The following RXRA variants were observed in gnomAD, a reference collection of about 807,000 sequenced individuals.
RXRA encodes the protein retinoid X receptor alpha, also known as retinoic acid receptor RXR-alpha.
RXRA carries 5 observed loss-of-function variants against 44.5 expected under a neutral mutation model. The observed-to-expected ratio is 0.11, with a 90% CI of 0.06 to 0.24. The LOEUF is 0.24. Among genes scored for constraint, RXRA ranks in the 10% least tolerant of loss-of-function variants. RXRA has a pLI of 1.00. For synonymous variants in RXRA, 291 were observed against 271.4 expected (o/e 1.07, Z -0.71); for missense variants, 412 against 646.5 (o/e 0.64, Z 3.93).
chr9:134,413,377 A>T (rs1831181439), intron 4 of RXRA, among the ~76,000 whole-genome samples: 1 of 149,662 alleles, frequency 6.7e-6, no homozygotes, highest in African/African-American at 2.5e-5. Context: ...GTATGTCTGC[A>T]TGGTTTGTGT....
intron 1 of RXRA, among the ~76,000 whole-genome samples, chr9:134,369,699 C>T (rs1456181807): frequency 6.6e-6 from 1 of 152,018 alleles, no homozygotes; most frequent in Non-Finnish European, 1.5e-5. Flanking sequence ...GTCTGACCTG[C>T]TCGGTGGCCT....
At chr9:134,436,173 G>C (rs187400501) in intron 9 of RXRA, among the ~76,000 whole-genome samples, 14 of 152,340 alleles carry the variant, frequency 9.2e-5, no homozygotes, top group Admixed American at 8.5e-4. Context: ...TCTTCACAAA[G>C]AGCTATTCAG....
intron 1 of RXRA, among the ~76,000 whole-genome samples, chr9:134,358,506 T>G (rs569994311): frequency 6.6e-6 from 1 of 152,258 alleles, no homozygotes; most frequent in Non-Finnish European, 1.5e-5. Flanking sequence ...TGTGCAGTCC[T>G]CAGAGGCCTT....
At chr9:134,412,595 C>T (rs1222613932) in intron 4 of RXRA, among the ~76,000 whole-genome samples, 1 of 152,192 alleles carries the variant, frequency 6.6e-6, no homozygotes, top group Non-Finnish European at 1.5e-5. Context: ...CCAGGAGGGA[C>T]TCGTTCCGCA....
At chr9:134,361,174 C>T (rs1830346759) in intron 1 of RXRA, among the ~76,000 whole-genome samples, 1 of 152,252 alleles carries the variant, frequency 6.6e-6, no homozygotes, top group Non-Finnish European at 1.5e-5. Flanking sequence ...TTGCTAATTC[C>T]CTCAGCTAAC....
chr9:134,338,508 C>T (rs1830040957), intron 1 of RXRA, among the ~76,000 whole-genome samples: 1 of 152,236 alleles, frequency 6.6e-6, no homozygotes, highest in Admixed American at 6.5e-5. Flanking sequence ...GCCACTCTTG[C>T]TGGCTGGGAG....
chr9:134,401,707 C>G lies in RXRA; in HGVS notation c.104C>G (p.Pro35Arg). ...TCCATGGCTGCCCCCTCGCTGCACCCGTCCCTGGGGCCTGGCATCGGCTCC... is the reference window on the plus strand; with the variant it reads ...TCCATGGCTGCCCCCTCGCTGCACCGGTCCCTGGGGCCTGGCATCGGCTCC... ...RGSMAAPSLH[P>R]SLGPGIGSPG... is the part of the protein sequence containing the mutation. The change falls in exon 2 of 10, where the codon CCG becomes CGG. Residue 35 changes from proline to arginine, a missense_variant. Coordinates refer to ENST00000481739, the MANE Select transcript of RXRA (RefSeq NM_002957.6). 6.2e-7 allele frequency: 1 copy of G among 1,613,138 alleles called. No individual in the cohort carries two copies. The highest frequency in any genetic ancestry group is 8.5e-7 in the Non-Finnish European group (1 of 1,179,992).
At chr9:134,409,729 C>T (rs1215800269) in intron 4 of RXRA, among the ~76,000 whole-genome samples, 2 of 152,192 alleles carry the variant, frequency 1.3e-5, no homozygotes, top group African/African-American at 4.8e-5. Context: ...ATCCCCTTTC[C>T]CTCTCAGGTT....
chr9:134,432,759 T>C (rs1360290939), intron 8 of RXRA, among the ~76,000 whole-genome samples: 9 of 150,952 alleles, frequency 6.0e-5, no homozygotes, highest in Non-Finnish European at 1.2e-4. Context: ...TGGTCGAGGG[T>C]GCGGGCCACT....
At chr9:134,406,988 A>G (rs1055195918) in intron 2 of RXRA, among the ~76,000 whole-genome samples, 4 of 152,064 alleles carry the variant, frequency 2.6e-5, no homozygotes, top group Non-Finnish European at 5.9e-5. Context: ...TGGGAGCTTC[A>G]TGGCACCCCC....
chr9:134,434,492 C>T (rs1831583322), intron 9 of RXRA, among the ~76,000 whole-genome samples: 1 of 152,136 alleles, frequency 6.6e-6, no homozygotes, highest in Non-Finnish European at 1.5e-5. Context: ...TGTGCTTCAC[C>T]CCCCACTGCG....
At chr9:134,370,160 T>C (rs1588269530) in intron 1 of RXRA, among the ~76,000 whole-genome samples, 2 of 152,318 alleles carry the variant, frequency 1.3e-5, no homozygotes, top group South Asian at 4.1e-4. Context: ...GAAGGATGAC[T>C]GTCTGTCCCA....
chr9:134,384,061 C>T (rs1324289891), intron 1 of RXRA, among the ~76,000 whole-genome samples: 1 of 152,170 alleles, frequency 6.6e-6, no homozygotes, highest in Non-Finnish European at 1.5e-5. Flanking sequence ...GAGTCCCAGA[C>T]CCTCCACACT....
intron 4 of RXRA, among the ~76,000 whole-genome samples, chr9:134,415,524 C>T (rs1011015404): frequency 6.6e-6 from 1 of 152,072 alleles, no homozygotes; most frequent in Non-Finnish European, 1.5e-5. Context: ...CCTGTGAGTA[C>T]CCCAGGTGTT....
At chr9:134,385,853 T>C (rs1315009880) in intron 1 of RXRA, among the ~76,000 whole-genome samples, 1 of 152,218 alleles carries the variant, frequency 6.6e-6, no homozygotes, top group African/African-American at 2.4e-5. Flanking sequence ...CCAGCTGTGG[T>C]GGAGCTGGAT....
In RXRA at chr9:134,412,268, C is replaced by T. The variant is rs1324953130; in HGVS notation, c.610+3149C>T. On this transcript the variant is annotated intron_variant, in intron 4 of 9. Transcript: ENST00000481739. The stretch of plus-strand genomic sequence containing the variant: ...CTGGGGACTGAGCCCTCCTAAGTGT[C>T]AGGCCCCCTGGTGGGCAGCTCCGCC... 2.6e-5 allele frequency among the ~76,000 whole-genome samples: 4 copies of T among 152,230 alleles called. No individual in the cohort carries two copies. In the East Asian group the frequency reaches 7.7e-4, roughly 29 times the overall value.
chr9:134,429,634 G>A (rs898136599), intron 7 of RXRA, among the ~76,000 whole-genome samples: 25 of 152,326 alleles, frequency 1.6e-4, no homozygotes, highest in Non-Finnish European at 2.8e-4. Flanking sequence ...AGCCCGGGGC[G>A]TGGTGCGGCC....
Position 134,438,307 on chromosome 9 carries a change from G to A in RXRA, c.*1693G>A, listed in dbSNP as rs1238832395. ...GGTTGGACCGGGAGGCAGTGGCTTG[G>A]AGAGGCAGCTTTCCAGCCTTGGTGG... On this transcript the variant is annotated 3_prime_UTR_variant, in exon 10 of 10. Coordinates refer to ENST00000481739, the MANE Select transcript of RXRA (RefSeq NM_002957.6). 6.6e-6 allele frequency: 1 copy of A among 152,318 alleles called. No homozygotes were observed. Among genetic ancestry groups the A allele is most frequent in the African/African-American group, 2.4e-5 (1 of 41,456 alleles). The allele number at this position is 152,318 out of a possible 1,614,324, so 9.4% of individuals were successfully genotyped here. A position where few individuals can be genotyped will look rare whatever the true frequency, so the allele number is the denominator to read the frequency against.
chr9:134,402,181 G>A, intron 2 of RXRA: 1 of 469,358 alleles, frequency 2.1e-6, no homozygotes, highest in Admixed American at 4.0e-5. Flanking sequence ...CCATGACTGG[G>A]GGACTCAGCA....
Sources: gnomAD v4.1 joint callset for allele counts (sites outside exome capture counted in the v4.1 genomes callset) on GRCh38, gnomAD v4.1.1 for gene constraint, MANE v1.5 for transcripts, NCBI Gene and HGNC (gene_info 2026-07-23, HGNC 2026-07-21) for gene names.